KIF13B: variants seen among roughly 807,000 people sequenced by gnomAD.
KIF13B encodes the protein kinesin-like protein KIF13B.
KIF13B carries 127 observed loss-of-function variants against 222.0 expected under a neutral mutation model. That is an observed-to-expected ratio of 0.57 (90% CI 0.50 to 0.66). The LOEUF is 0.66. KIF13B is among the 30% of genes least tolerant of loss of function. The pLI, the probability that KIF13B is intolerant of heterozygous loss-of-function variation, is 0.00. For synonymous variants in KIF13B, 976 were observed against 919.0 expected (o/e 1.06, Z -1.12); for missense variants, 2,173 against 2,379.0 (o/e 0.91, Z 1.80).
At position 29,137,178 on chromosome 8, in the gene KIF13B, C is replaced by A. The variant is rs549961394; in HGVS notation, c.2613+2885G>T. ...ATTCCATCTGAAAACCTTTTTTTAC[C>A]ATTCAAAATTAATCACAATTTTAAT... On this transcript the variant is annotated intron_variant, in intron 21 of 39. Coordinates refer to ENST00000524189, the MANE Select transcript of KIF13B (RefSeq NM_015254.4). Among the ~76,000 whole-genome samples, 1,469 of 152,032 alleles carry A rather than the reference C, an allele frequency of 9.7e-3. 22 individuals are homozygous for A. The highest frequency in any genetic ancestry group is 0.033 in the African/African-American group (1,388 of 41,456).
intron 2 of KIF13B, chr8:29,219,036 AAG>A (rs1365078038): frequency 6.6e-6 from 1 of 152,266 alleles, no homozygotes; most frequent in East Asian, 1.9e-4. Context: ...CATGTCTGCA[AAG>A]AGAAGAAAAT....
chr8:29,122,604 G>C lies in KIF13B; in HGVS notation c.3522C>G (p.Phe1174Leu). 1 of 1,609,938 alleles carries C rather than the reference G, an allele frequency of 6.2e-7. No individual in the cohort carries two copies. Among genetic ancestry groups the C allele is most frequent in the Non-Finnish European group, 8.5e-7 (1 of 1,178,052 alleles). Residue 1174 changes from phenylalanine (F) to leucine (L), a missense_variant, in exon 29 of 40, where the codon TTC becomes TTG. By Grantham distance (22) the Phe-to-Leu change is conservative. Transcript: ENST00000524189. ...PGMETHIPVI[F>L]LDLNADDFSS... ...CTCCTAACTTACCATTTAAGTCCAG[G>C]AATATAACAGGAATGTGTGTCTCCA...
chr8:29,188,717 C>T lies in KIF13B; in HGVS notation c.224-110G>A, dbSNP rs576671378. On this transcript the variant is annotated intron_variant, in intron 4 of 39. Coordinates refer to ENST00000524189, the MANE Select transcript of KIF13B (RefSeq NM_015254.4). ...AATGTATAATCTGCTTATTTATCTC[C>T]AAACAAGATTTTTAAATTTGACGAA... 9 of 672,296 alleles carry T rather than the reference C, an allele frequency of 1.3e-5. No individual in the cohort carries two copies. In the East Asian group the frequency reaches 2.2e-4, roughly 17 times the overall value. The allele number at this position is 672,296 out of a possible 1,614,324, so 41.6% of individuals were successfully genotyped here. A position where few individuals can be genotyped will look rare whatever the true frequency, so the allele number is the denominator to read the frequency against.
chr8:29,263,116 G>A (rs1816752232), upstream of KIF13B: 4 of 1,315,676 alleles, frequency 3.0e-6, no homozygotes, highest in South Asian at 1.3e-5. Context: ...GCGGGAGGGG[G>A]CCGGGGGCGG....
chr8:29,076,432 C>A (rs562263957), intron 37 of KIF13B, among the ~76,000 whole-genome samples: 13 of 152,244 alleles, frequency 8.5e-5, no homozygotes, highest in Non-Finnish European at 1.8e-4. Flanking sequence ...CTTCTCCCAG[C>A]CCTCGGCAGT....
chr8:29,089,045 T>C (rs143993047), intron 37 of KIF13B, among the ~76,000 whole-genome samples: 382 of 152,330 alleles, frequency 2.5e-3, no homozygotes, highest in Middle Eastern at 0.01. Context: ...TTCTTAAATA[T>C]GTCTTCATCC....
intron 2 of KIF13B, among the ~76,000 whole-genome samples, chr8:29,224,810 G>A (rs10096920): frequency 0.015 from 2,311 of 152,210 alleles, 56 homozygotes; most frequent in African/African-American, 0.052. Context: ...CCTATGTGTG[G>A]ATTAAAACTA....
chr8:29,103,290 T>C (rs1236481321), intron 35 of KIF13B, among the ~76,000 whole-genome samples: 3 of 150,198 alleles, frequency 2.0e-5, no homozygotes, highest in Admixed American at 6.6e-5. Context: ...AAAAAAATGA[T>C]TTTGTCTTGA....
chr8:29,201,419 C>T (rs556234797), intron 2 of KIF13B, among the ~76,000 whole-genome samples: 80 of 152,158 alleles, frequency 5.3e-4, no homozygotes, highest in Admixed American at 3.9e-4. Context: ...TGCCAAAATA[C>T]GAAGAAGAAA....
chr8:29,211,447 C>A (rs1814222192), intron 2 of KIF13B, among the ~76,000 whole-genome samples: 2 of 13,702 alleles, frequency 1.5e-4, no homozygotes, highest in Non-Finnish European at 2.9e-4. Context: ...TTTCCTGGCC[C>A]AGGCCAGAGC....
At chr8:29,187,566 A>C (rs1469183363) in intron 5 of KIF13B, among the ~76,000 whole-genome samples, 1 of 152,196 alleles carries the variant, frequency 6.6e-6, no homozygotes, top group Admixed American at 6.5e-5. Flanking sequence ...AAAGAAATAT[A>C]TATTAAATAA....
intron 30 of KIF13B, 61 bp from the exon 31 acceptor site, chr8:29,117,068 C>T (rs1586801004): frequency 6.9e-7 from 1 of 1,454,788 alleles, no homozygotes; most frequent in Non-Finnish European, 9.3e-7. Context: ...AAAACTCTTT[C>T]AAGGAAACCA....
chr8:29,110,130 C>CGTGT, intron 32 of KIF13B, 60 bp from the exon 33 acceptor site: 4 of 1,341,444 alleles, frequency 3.0e-6, no homozygotes, highest in Non-Finnish European at 4.2e-6. Context: ...CACACGTACA[C>CGTGT]GCGTGCACAC....
chr8:29,218,852 G>A, intron 2 of KIF13B: 1 of 152,244 alleles, frequency 6.6e-6, no homozygotes, highest in Non-Finnish European at 1.5e-5. Flanking sequence ...AGCCAAGGGA[G>A]AGCCTGACAG....
intron 2 of KIF13B, among the ~76,000 whole-genome samples, chr8:29,229,606 G>A (rs1157624104): frequency 6.6e-6 from 1 of 152,194 alleles, no homozygotes; most frequent in Non-Finnish European, 1.5e-5. Flanking sequence ...ATGCTGTGCT[G>A]GCTGTGTCTG....
Position 29,146,515 on chromosome 8 carries a change from T to C in KIF13B, c.2050A>G (p.Met684Val), listed in dbSNP as rs750099215. The C allele has an allele frequency of 6.2e-7, 1 of 1,613,846 alleles. No individual in the cohort carries two copies. Among genetic ancestry groups the C allele is most frequent in the Admixed American group, 1.7e-5 (1 of 60,002 alleles). The stretch of plus-strand genomic sequence containing the variant: ...TTAACAATTTGTTCCCTCAGCCTCA[T>C]CAGGCTGTTATTCAACGTTGCTTCT... ...EREATLNNSL[M>V]RLREQIVKAN... Residue 684 changes from methionine (M) to valine (V), a missense_variant, in exon 18 of 40, where the codon ATG (methionine) becomes GTG (valine). By Grantham distance (21) the Met-to-Val change is conservative. Coordinates refer to ENST00000524189, the MANE Select transcript of KIF13B (RefSeq NM_015254.4).
intron 10 of KIF13B, among the ~76,000 whole-genome samples, chr8:29,174,942 C>T (rs1415006247): frequency 6.6e-6 from 1 of 152,134 alleles, no homozygotes; most frequent in Admixed American, 6.5e-5. Flanking sequence ...TCTAAACATG[C>T]TATGGACTAA....
chr8:29,120,166 GTTTTTTTTTTT>G (rs57731633), intron 29 of KIF13B, among the ~76,000 whole-genome samples: 11 of 102,370 alleles, frequency 1.1e-4, no homozygotes, highest in South Asian at 6.4e-4. Flanking sequence ...AAAAATGACA[GTTTTTTTTTTT>G]TTTTTTTTTT....
At chr8:29,209,564 G>C (rs1235766603) in intron 2 of KIF13B, among the ~76,000 whole-genome samples, 3 of 152,128 alleles carry the variant, frequency 2.0e-5, no homozygotes, top group African/African-American at 7.2e-5. Flanking sequence ...GTAATTTTGT[G>C]TGACGATTCC....
Sources: gnomAD v4.1 joint callset for allele counts (sites outside exome capture counted in the v4.1 genomes callset) on GRCh38, gnomAD v4.1.1 for gene constraint, MANE v1.5 for transcripts, NCBI Gene and HGNC (gene_info 2026-07-23, HGNC 2026-07-21) for gene names.